Variants in NOL4L observed in about 807,000 individuals in gnomAD.
The protein encoded by NOL4L is nucleolar protein 4-like.
Under a neutral mutation model 64.5 loss-of-function variants are expected in NOL4L, and 7 were observed. The ratio of observed to expected loss-of-function variants is 0.11; its 90% CI spans 0.06 to 0.20. The LOEUF (loss-of-function observed/expected upper bound fraction) is 0.20. Among genes scored for constraint, NOL4L ranks in the 10% least tolerant of loss-of-function variants. The pLI, the probability that NOL4L is intolerant of heterozygous loss-of-function variation, is 1.00. For missense variants in NOL4L, 680 were observed against 967.1 expected (o/e 0.70, Z 3.94); for synonymous variants, 413 against 401.0 (o/e 1.03, Z -0.36).
chr20:32,545,965 T>C (rs79889101), intron 1 of NOL4L, among the ~76,000 whole-genome samples: 4 of 139,604 alleles, frequency 2.9e-5, no homozygotes, highest in South Asian at 2.1e-4. Flanking sequence ...TTTTTTTTTT[T>C]GGAGACAGAG....
At position 32,464,022 on chromosome 20, in the gene NOL4L, G is replaced by A. The variant is rs2014325404; in HGVS notation, c.842-7627C>T. ...CTCTGTCACAGCAGCAGCCAGGCGG[G>A]GGATGGGAGGGGCATCAATAATTCA... On this transcript the variant is annotated intron_variant, in intron 5 of 10. Coordinates refer to ENST00000621426, the MANE Select transcript of NOL4L (RefSeq NM_001256798.2). The surrounding 1 kb of genome is among the most constrained non-coding windows in gnomAD (Gnocchi z 5.6). Among the ~76,000 whole-genome samples, 1 of 152,174 alleles carries A rather than the reference G, an allele frequency of 6.6e-6. No homozygotes were observed. Among genetic ancestry groups the A allele is most frequent in the South Asian group, 2.1e-4 (1 of 4,832 alleles).
chr20:32,485,483 C>T (rs1474349076), intron 4 of NOL4L: 1 of 285,446 alleles, frequency 3.5e-6, no homozygotes, highest in East Asian at 9.4e-5. Context: ...ATGCTCAAGA[C>T]TCTGCTGTCA....
intron 4 of NOL4L, among the ~76,000 whole-genome samples, chr20:32,483,874 G>A (rs1487196442): frequency 7.3e-6 from 1 of 137,846 alleles, no homozygotes; most frequent in African/African-American, 2.7e-5. Context: ...AGGTAGGGGG[G>A]GATAAGGGCG....
chr20:32,552,411 G>A (rs922374941), intron 1 of NOL4L, among the ~76,000 whole-genome samples: 14 of 152,212 alleles, frequency 9.2e-5, no homozygotes, highest in African/African-American at 3.4e-4. Context: ...TTCTGGCAGT[G>A]CGCGGTAGCT....
At position 32,453,230 on chromosome 20, in the gene NOL4L, G is replaced by A. The variant is rs1251850327; in HGVS notation, c.1497+74C>T. ...GGGAAGACCCTGGGTGAAGGGGCCC[G>A]GGCATCCTGGGAGTGTGGCAGGAGG... is the stretch of plus-strand genomic sequence containing the variant. On this transcript the variant is annotated intron_variant, in intron 8 of 10. Transcript: ENST00000621426. This position sits in a 1 kb window ranked among gnomAD's most constrained non-coding sequence, Gnocchi z 5.6. 72 of 1,543,734 alleles carry A rather than the reference G, an allele frequency of 4.7e-5. No homozygotes were observed. The highest frequency in any genetic ancestry group is 1.1e-4 in the African/African-American group (8 of 73,502).
In NOL4L at chr20:32,501,843, AAG is replaced by A. The variant is rs1290532980; in HGVS notation, c.699+9502_699+9503del. On this transcript the variant is annotated intron_variant, in intron 4 of 10. Coordinates refer to ENST00000621426, the MANE Select transcript of NOL4L (RefSeq NM_001256798.2). ...ACACACACAGCATAGGCAATATCAA[AAG>A]AGAGAGAGCTACGGATGGGGAAAAG... 2.6e-5 allele frequency among the ~76,000 whole-genome samples: 4 copies of A among 152,196 alleles called. No individual in the cohort carries two copies. In the East Asian group the frequency reaches 5.8e-4, roughly 22 times the overall value.
chr20:32,469,532 C>T (rs2014849356), intron 5 of NOL4L, among the ~76,000 whole-genome samples: 1 of 151,974 alleles, frequency 6.6e-6, no homozygotes, highest in Admixed American at 6.6e-5. Flanking sequence ...CCACCACACC[C>T]AGCTAATTTT....
chr20:32,560,242 G>T (rs182140893), intron 1 of NOL4L, among the ~76,000 whole-genome samples: 1 of 152,194 alleles, frequency 6.6e-6, no homozygotes, highest in Non-Finnish European at 1.5e-5. Context: ...ACTGAGTGTG[G>T]CCAGGGTGGG....
intron 1 of NOL4L, among the ~76,000 whole-genome samples, chr20:32,581,075 C>G (rs989733542): frequency 1.3e-5 from 2 of 152,218 alleles, no homozygotes; most frequent in Admixed American, 6.5e-5. Context: ...AGGCTTCACC[C>G]GGCCAGGAGG....
intron 4 of NOL4L, among the ~76,000 whole-genome samples, chr20:32,498,088 G>A (rs2145531271): frequency 6.6e-6 from 1 of 152,332 alleles, no homozygotes; most frequent in East Asian, 1.9e-4. Context: ...AGGGGCTCGA[G>A]CCTCAAGGAG....
intron 1 of NOL4L, among the ~76,000 whole-genome samples, chr20:32,531,025 G>C (rs1202685945): frequency 1.3e-5 from 2 of 152,114 alleles, no homozygotes; most frequent in Non-Finnish European, 2.9e-5. Context: ...GATATCATGG[G>C]GGTAGTTCCA....
At chr20:32,554,880 T>C (rs1158831613) in intron 1 of NOL4L, among the ~76,000 whole-genome samples, 1 of 152,182 alleles carries the variant, frequency 6.6e-6, no homozygotes, top group Non-Finnish European at 1.5e-5. Flanking sequence ...CAAGACATTT[T>C]AGAAGTATGT....
chr20:32,496,381 T>G (rs888392654), intron 4 of NOL4L, among the ~76,000 whole-genome samples: 3 of 152,108 alleles, frequency 2.0e-5, no homozygotes, highest in Non-Finnish European at 4.4e-5. Context: ...TTTCCTCCTT[T>G]TGCATATTTT....
intron 1 of NOL4L, among the ~76,000 whole-genome samples, chr20:32,534,804 C>T (rs1233939653): frequency 3.3e-5 from 5 of 150,660 alleles, no homozygotes; most frequent in African/African-American, 1.2e-4. Context: ...TCACTTGAGC[C>T]TGGGGAGGTG....
At chr20:32,539,912 C>G (rs536964582) in intron 1 of NOL4L, among the ~76,000 whole-genome samples, 1 of 152,166 alleles carries the variant, frequency 6.6e-6, no homozygotes, top group African/African-American at 2.4e-5. Flanking sequence ...TCTGTTTAAC[C>G]CCAGATAACT....
chr20:32,499,738 C>CAAA (rs10692885), intron 4 of NOL4L, among the ~76,000 whole-genome samples: 936 of 51,210 alleles, frequency 0.018, 45 homozygotes, highest in African/African-American at 0.056. Context: ...GACCTTGTCT[C>CAAA]AAAAAAAAAA....
chr20:32,511,100 C>T (rs1330212418), intron 4 of NOL4L: 4 of 363,022 alleles, frequency 1.1e-5, no homozygotes, highest in South Asian at 1.2e-4. Flanking sequence ...CCTCCTCCCA[C>T]GAGCCCACCC....
chr20:32,485,982 G>A (rs1019388092), intron 4 of NOL4L, among the ~76,000 whole-genome samples: 3 of 152,232 alleles, frequency 2.0e-5, no homozygotes, highest in Non-Finnish European at 4.4e-5. Flanking sequence ...GCCCAGGAGG[G>A]CAGAGCAGTG....
chr20:32,479,252 T>G (rs1161929577), intron 4 of NOL4L, among the ~76,000 whole-genome samples: 3 of 152,238 alleles, frequency 2.0e-5, no homozygotes, highest in Non-Finnish European at 4.4e-5. Flanking sequence ...CAGAGGGCCA[T>G]GCTGGAGGCA....
Sources: allele counts gnomAD v4.1 joint callset (sites outside exome capture counted in the v4.1 genomes callset), GRCh38; gene constraint gnomAD v4.1.1; non-coding constraint Gnocchi (gnomAD v3.1); transcripts MANE v1.5; gene names NCBI Gene and HGNC (gene_info 2026-07-23, HGNC 2026-07-21).